The following TCF12 variants were observed in gnomAD, a reference collection of about 807,000 sequenced individuals.
The protein encoded by TCF12 is transcription factor 12.
TCF12 carries 45 observed loss-of-function variants against 86.0 expected under a neutral mutation model. The ratio of observed to expected loss-of-function variants is 0.52; its 90% CI spans 0.41 to 0.67. The LOEUF (loss-of-function observed/expected upper bound fraction) is 0.67, where lower values mean the gene tolerates loss of function less well. Among genes scored for constraint, TCF12 ranks in the 30% least tolerant of loss-of-function variants. The probability of loss-of-function intolerance (pLI) is 0.00; values close to 1 mark genes in which losing one functional copy is unlikely to be tolerated. For missense variants in TCF12, 881 were observed against 859.9 expected, an observed-to-expected ratio of 1.02 and a Z score of -0.31; for synonymous variants, 330 against 299.6, an observed-to-expected ratio of 1.10 and a Z score of -1.05.
At chr15:57,156,106 CAA>C (rs1424807062) in intron 5 of TCF12, among the ~76,000 whole-genome samples, 1 of 152,170 alleles carries the variant, frequency 6.6e-6, no homozygotes, top group Non-Finnish European at 1.5e-5. Context: ...CTAAATGTCT[CAA>C]AATGTATTAA....
intron 8 of TCF12, among the ~76,000 whole-genome samples, chr15:57,223,654 T>TTGTTTTGTTTTTG (rs56405255): frequency 7.7e-6 from 1 of 129,964 alleles, no homozygotes; most frequent in Non-Finnish European, 1.7e-5. Flanking sequence ...TTTTTTTTTT[T>TTGTTTTGTTTTTG]TTTTTTTTTT....
At chr15:57,013,589 G>A (rs138877741) in intron 3 of TCF12, among the ~76,000 whole-genome samples, 6,132 of 152,238 alleles carry the variant, frequency 0.04, 370 homozygotes, top group Admixed American at 0.17. Context: ...CCAAAGTGTT[G>A]GGATTATAGG....
At chr15:57,102,099 G>A (rs1446610576) in intron 5 of TCF12, among the ~76,000 whole-genome samples, 1 of 148,158 alleles carries the variant, frequency 6.7e-6, no homozygotes, top group Non-Finnish European at 1.5e-5. Flanking sequence ...TATAATTCAT[G>A]GCTTATCAAC....
Position 57,075,835 on chromosome 15 carries a change from T to TCTTTTCTTTCTTTC in TCF12, c.222+12012_222+12013insCTTTTCTTTCTTTC, listed in dbSNP as rs778545170. ...CTCTCTCTCTCTCTCTCTCTCTCTC[T>TCTTTTCTTTCTTTC]TTTCTTTCTTTCTTTCTTTCTTTCT... is the stretch of plus-strand genomic sequence containing the variant. On this transcript the variant is annotated intron_variant, in intron 4 of 20. Transcript: ENST00000333725. 6.8e-4 allele frequency among the ~76,000 whole-genome samples: 34 copies of TCTTTTCTTTCTTTC among 49,994 alleles called. 2 individuals are homozygous for TCTTTTCTTTCTTTC. Among genetic ancestry groups the TCTTTTCTTTCTTTC allele is most frequent in the Admixed American group, 9.6e-4 (4 of 4,154 alleles). The allele number at this position is 49,994 out of a possible 152,430, so 32.8% of individuals were successfully genotyped here.
chr15:57,256,382 T>A (rs2060346472), intron 16 of TCF12, among the ~76,000 whole-genome samples: 1 of 152,212 alleles, frequency 6.6e-6, no homozygotes, highest in African/African-American at 2.4e-5. Flanking sequence ...CAACTCTTCA[T>A]ATTCTTTCAG....
intron 19 of TCF12, among the ~76,000 whole-genome samples, chr15:57,281,373 A>G: frequency 6.6e-6 from 1 of 152,218 alleles, no homozygotes; most frequent in Non-Finnish European, 1.5e-5. Context: ...TTTCACATAC[A>G]TATCAAAGTA....
chr15:57,232,096 T>TC (rs2059162968), intron 9 of TCF12, among the ~76,000 whole-genome samples, 195 bp from the exon 10 acceptor site: 1 of 152,212 alleles, frequency 6.6e-6, no homozygotes, highest in Non-Finnish European at 1.5e-5. Flanking sequence ...ATTACTTTTT[T>TC]CCCTAACTAA....
At chr15:57,113,666 C>T (rs897884019) in intron 5 of TCF12, among the ~76,000 whole-genome samples, 4 of 151,214 alleles carry the variant, frequency 2.6e-5, no homozygotes, top group African/African-American at 9.7e-5. Flanking sequence ...AGGCTGGGCT[C>T]AGTCGCTTAA....
chr15:57,185,772 C>T (rs1487850948), intron 6 of TCF12, among the ~76,000 whole-genome samples: 1 of 152,078 alleles, frequency 6.6e-6, no homozygotes, highest in Non-Finnish European at 1.5e-5. Context: ...GTCCCAGCCA[C>T]TCAGGAGACT....
intron 3 of TCF12, among the ~76,000 whole-genome samples, chr15:57,048,727 C>T (rs903617898): frequency 5.3e-5 from 8 of 151,874 alleles, no homozygotes; most frequent in African/African-American, 1.9e-4. Context: ...TGTTTGATTT[C>T]TGTATGTACC....
intron 6 of TCF12, among the ~76,000 whole-genome samples, chr15:57,190,028 G>C (rs899068055): frequency 2.0e-5 from 3 of 152,162 alleles, no homozygotes; most frequent in African/African-American, 7.2e-5. Flanking sequence ...TCCTGAATAG[G>C]CAAATCCAGA....
chr15:56,969,810 CTGTGGGAT>C (rs1304370364), intron 3 of TCF12, among the ~76,000 whole-genome samples: 1 of 152,048 alleles, frequency 6.6e-6, no homozygotes, highest in Non-Finnish European at 1.5e-5. Flanking sequence ...CAAATTTAAT[CTGTGGGAT>C]TGGAGTGAGT....
At chr15:57,186,424 G>C (rs1306215652) in intron 6 of TCF12, among the ~76,000 whole-genome samples, 2 of 152,136 alleles carry the variant, frequency 1.3e-5, no homozygotes, top group African/African-American at 4.8e-5. Flanking sequence ...ACATGAGCCT[G>C]GGAGGTCAAG....
intron 3 of TCF12, among the ~76,000 whole-genome samples, chr15:57,034,401 C>G (rs1187150720): frequency 3.9e-5 from 6 of 151,934 alleles, no homozygotes; most frequent in Admixed American, 3.9e-4. Flanking sequence ...TGTAGCTGTA[C>G]TCAATAAAAT....
intron 5 of TCF12, among the ~76,000 whole-genome samples, chr15:57,098,372 C>A (rs371091466): frequency 1.5e-4 from 23 of 152,102 alleles, no homozygotes; most frequent in African/African-American, 5.6e-4. Context: ...TTCTTTCTTT[C>A]ACTATTGCTC....
chr15:57,055,176 G>A (rs1036183716), intron 3 of TCF12, among the ~76,000 whole-genome samples: 4 of 152,030 alleles, frequency 2.6e-5, no homozygotes, highest in African/African-American at 7.2e-5. Context: ...CGAAGCAGGC[G>A]AATCAAGCCG....
At position 57,262,187 on chromosome 15, in the gene TCF12, A is replaced by G. The variant is rs1421074926; in HGVS notation, c.1561A>G (p.Lys521Glu). Residue 521 changes from lysine (K) to glutamate (E), a missense_variant, in exon 17 of 21, where the codon AAA (lysine) becomes GAA (glutamate). This residue lies in a region of TCF12 where 766 missense variants were observed against 718.9 expected (regional missense o/e 1.07). Coordinates refer to ENST00000333725, the MANE Select transcript of TCF12 (RefSeq NM_207037.2). ...VTTSSTDLNH[K>E]TQENYRGGLQ... Reference sequence around the variant, plus strand: ...TACTTCAAGCACAGACCTGAACCATAAAACACAAGAAAATTATAGAGGTAA... The same window carrying G: ...TACTTCAAGCACAGACCTGAACCATGAAACACAAGAAAATTATAGAGGTAA... 4 of 1,610,638 alleles carry G rather than the reference A, an allele frequency of 2.5e-6. No homozygotes were observed. The highest frequency in any genetic ancestry group is 3.4e-6 in the Non-Finnish European group (4 of 1,177,458).
chr15:57,050,935 A>G (rs1429928288), intron 3 of TCF12, among the ~76,000 whole-genome samples: 5 of 152,174 alleles, frequency 3.3e-5, no homozygotes, highest in Non-Finnish European at 7.3e-5. Flanking sequence ...GTGTTTGAAT[A>G]TTTATAATAG....
Position 57,191,221 on chromosome 15 carries a change from T to C in TCF12, c.391-937T>C, listed in dbSNP as rs185865709. ...GCTCACACCAGTATTCCCAGCTCTT[T>C]GTTAGGCCAAGGTGGGAAGATTGCC... is the stretch of plus-strand genomic sequence containing the variant. On this transcript the variant is annotated intron_variant, in intron 6 of 20. Transcript: ENST00000333725. 4.9e-3 allele frequency among the ~76,000 whole-genome samples: 749 copies of C among 152,300 alleles called. 26 individuals are homozygous for C. The highest frequency in any genetic ancestry group is 0.045 in the Admixed American group (694 of 15,298).
Sources: gnomAD v4.1 joint callset for allele counts (sites outside exome capture counted in the v4.1 genomes callset) on GRCh38, gnomAD v4.1.1 for gene constraint, gnomAD v4.1.1 regional missense constraint, MANE v1.5 for transcripts, NCBI Gene and HGNC (gene_info 2026-07-23, HGNC 2026-07-21) for gene names.